The following GABRB3 variants were observed in gnomAD, a reference collection of about 807,000 sequenced individuals.
GABRB3 encodes gamma-aminobutyric acid type A receptor subunit beta3.
In GABRB3, 14 loss-of-function variants were observed where a neutral mutation model predicts 52.1. The ratio of observed to expected loss-of-function variants is 0.27; its 90% CI spans 0.18 to 0.42. The LOEUF (loss-of-function observed/expected upper bound fraction) is 0.42. GABRB3 is among the 10% of genes least tolerant of loss of function. GABRB3 has a pLI of 1.00. For synonymous variants in GABRB3, 260 were observed against 232.3 expected (o/e 1.12, Z -1.08); for missense variants, 307 against 609.1 (o/e 0.50, Z 5.22).
intron 3 of GABRB3, among the ~76,000 whole-genome samples, chr15:26,673,133 G>A (rs1430533637): frequency 6.6e-6 from 1 of 152,138 alleles, no homozygotes; most frequent in East Asian, 1.9e-4. Context: ...CAGAAAGTGG[G>A]CATTTCTTAA....
intron 3 of GABRB3, among the ~76,000 whole-genome samples, chr15:26,662,817 C>T (rs1887591988): frequency 6.6e-6 from 1 of 152,176 alleles, no homozygotes; most frequent in Non-Finnish European, 1.5e-5. Context: ...GAGGCAACTC[C>T]AACAGACCCA....
intron 4 of GABRB3, among the ~76,000 whole-genome samples, chr15:26,590,918 C>G (rs1037508843): frequency 7.9e-5 from 12 of 152,190 alleles, no homozygotes. Flanking sequence ...GAAGTGACCA[C>G]GTGCCAGCCC....
chr15:26,584,137 T>C (rs916068326), intron 4 of GABRB3, among the ~76,000 whole-genome samples: 2 of 152,198 alleles, frequency 1.3e-5, no homozygotes, highest in Non-Finnish European at 2.9e-5. Flanking sequence ...CTCTTGCAAT[T>C]TTTGAGTATA....
rs1160723861 is a variant in GABRB3 at position 26,621,624 on chromosome 15, G to A, written c.241-90C>T. On this transcript the variant is annotated intron_variant, in intron 3 of 8. Coordinates refer to ENST00000311550, the MANE Select transcript of GABRB3 (RefSeq NM_000814.6). This position sits in a 1 kb window ranked among gnomAD's most constrained non-coding sequence, Gnocchi z 4.1. ...CCAGCCAAATTCAGGTTGCAATCTA[G>A]GCTCTACAGTGAATAACCAGGAGAA... is the stretch of plus-strand genomic sequence containing the variant. 2.0e-6 allele frequency: 2 copies of A among 986,410 alleles called. No homozygotes were observed. The highest frequency in any genetic ancestry group is 3.1e-6 in the Non-Finnish European group (2 of 638,634). The allele number at this position is 986,410 out of a possible 1,614,324, so 61.1% of individuals were successfully genotyped here.
At chr15:26,712,850 T>TGAGGAGATGTGCAGGGAAGCTTCAAG (rs1889345222) in intron 3 of GABRB3, among the ~76,000 whole-genome samples, 3 of 151,998 alleles carry the variant, frequency 2.0e-5, no homozygotes, top group African/African-American at 7.2e-5. Flanking sequence ...GAGCAGAGGC[T>TGAGGAGATGTGCAGGGAAGCTTCAAG]GAGGAGATGT....
chr15:26,664,187 C>T (rs1887632624), intron 3 of GABRB3, among the ~76,000 whole-genome samples: 1 of 152,184 alleles, frequency 6.6e-6, no homozygotes, highest in East Asian at 1.9e-4. Flanking sequence ...GGACTACAGG[C>T]ATGTGCCACC....
At chr15:26,635,211 A>G (rs1359322674) in intron 3 of GABRB3, among the ~76,000 whole-genome samples, 1 of 120,196 alleles carries the variant, frequency 8.3e-6, no homozygotes, top group Non-Finnish European at 1.9e-5. Context: ...TGCTTGGACA[A>G]GGCACCCTCA....
Position 26,704,717 on chromosome 15 carries a change from G to T in GABRB3, c.240+67685C>A, listed in dbSNP as rs75579932. On this transcript the variant is annotated intron_variant, in intron 3 of 8. Transcript: ENST00000311550. ...GCTTTTAATTGCTGCCTTCCAGAAA[G>T]TCCTACAGCATGTATATAATTCTTA... Among the ~76,000 whole-genome samples, 7 of 152,274 alleles carry T rather than the reference G, an allele frequency of 4.6e-5. No individual in the cohort carries two copies. The East Asian group carries it at 1.2e-3, about 25-fold the overall frequency.
chr15:26,609,877 T>C (rs1892002694), intron 4 of GABRB3, among the ~76,000 whole-genome samples: 1 of 152,158 alleles, frequency 6.6e-6, no homozygotes, highest in Admixed American at 6.5e-5. Context: ...GACCCAATTG[T>C]CCCATAGAAC....
intron 8 of GABRB3, among the ~76,000 whole-genome samples, chr15:26,549,287 G>T (rs1323179884): frequency 6.6e-6 from 1 of 152,214 alleles, no homozygotes; most frequent in Non-Finnish European, 1.5e-5. Context: ...AGTCCTGCCT[G>T]AGAAGGCGCC....
chr15:26,760,586 T>C (rs1890789119), intron 3 of GABRB3, among the ~76,000 whole-genome samples: 1 of 152,186 alleles, frequency 6.6e-6, no homozygotes, highest in Non-Finnish European at 1.5e-5. Flanking sequence ...ATGTTTTATT[T>C]AGCATATTTA....
At chr15:26,696,590 T>C (rs779735241) in intron 3 of GABRB3, among the ~76,000 whole-genome samples, 5 of 152,148 alleles carry the variant, frequency 3.3e-5, no homozygotes, top group Non-Finnish European at 7.3e-5. Context: ...CAAACCTGTA[T>C]ACACTCTTAG....
At chr15:26,735,838 C>T (rs1195540402) in intron 3 of GABRB3, among the ~76,000 whole-genome samples, 9 of 151,578 alleles carry the variant, frequency 5.9e-5, no homozygotes, top group Non-Finnish European at 1.2e-4. Context: ...GACTGTGGTC[C>T]CAGCTACTTC....
At chr15:26,552,077 G>A (rs1308723185) in intron 8 of GABRB3, among the ~76,000 whole-genome samples, 1 of 151,802 alleles carries the variant, frequency 6.6e-6, no homozygotes, top group Non-Finnish European at 1.5e-5. Context: ...CACAATCTCA[G>A]CTCACCGCAA....
chr15:26,771,240 C>A (rs1891134779), intron 3 of GABRB3, among the ~76,000 whole-genome samples: 1 of 152,060 alleles, frequency 6.6e-6, no homozygotes, highest in African/African-American at 2.4e-5. Flanking sequence ...AAAATATTGT[C>A]CACAAAATAC....
intron 3 of GABRB3, among the ~76,000 whole-genome samples, chr15:26,637,952 A>G (rs1200114938): frequency 6.6e-6 from 1 of 152,198 alleles, no homozygotes; most frequent in East Asian, 1.9e-4. Context: ...ACCAAGGGCA[A>G]AAGACCTCAG....
Position 26,547,308 on chromosome 15 carries a change from T to C in GABRB3, c.*485A>G. On this transcript the variant is annotated 3_prime_UTR_variant, in exon 9 of 9. Transcript: ENST00000311550. ...TAAGTGACTCATTTTAAACTAGCAATACCACTGTATGAGTTTTCAAAGATT... is the reference window on the plus strand; with the variant it reads ...TAAGTGACTCATTTTAAACTAGCAACACCACTGTATGAGTTTTCAAAGATT... The C allele has an allele frequency of 2.5e-6, 1 of 398,228 alleles. No homozygotes were observed. Among genetic ancestry groups the C allele is most frequent in the East Asian group, 3.6e-5 (1 of 27,808 alleles). 24.7% of individuals were successfully genotyped at this position (398,228 alleles called of 1,614,324 possible).
intron 3 of GABRB3, among the ~76,000 whole-genome samples, chr15:26,699,796 A>AT (rs1277497385): frequency 6.6e-6 from 1 of 152,048 alleles, no homozygotes; most frequent in African/African-American, 2.4e-5. Flanking sequence ...CGTAAGTGAG[A>AT]TTTTTGAATT....
intron 6 of GABRB3, among the ~76,000 whole-genome samples, chr15:26,568,887 T>G (rs191347717): frequency 6.6e-6 from 1 of 152,066 alleles, no homozygotes; most frequent in African/African-American, 2.4e-5. Context: ...ACTTTCTCAG[T>G]TCCAATCCTA....
Sources: gnomAD v4.1 joint callset for allele counts (sites outside exome capture counted in the v4.1 genomes callset) on GRCh38, gnomAD v4.1.1 for gene constraint, Gnocchi (gnomAD v3.1) non-coding constraint, MANE v1.5 for transcripts, NCBI Gene and HGNC (gene_info 2026-07-23, HGNC 2026-07-21) for gene names.